TMEM132D: variants seen among roughly 807,000 people sequenced by gnomAD.
The protein encoded by TMEM132D is mature OL transmembrane protein.
In TMEM132D, 21 loss-of-function variants were observed where a neutral mutation model predicts 62.3. The ratio of observed to expected loss-of-function variants is 0.34; its 90% confidence interval spans 0.24 to 0.49. The LOEUF (loss-of-function observed/expected upper bound fraction) is 0.49, where lower values mean the gene tolerates loss of function less well. Among genes scored for constraint, TMEM132D ranks in the 20% least tolerant of loss-of-function variants. TMEM132D has a pLI of 0.99. For missense variants in TMEM132D, 1,346 were observed against 1,402.8 expected, an observed-to-expected ratio of 0.96 and a Z score of 0.65; for synonymous variants, 621 against 575.6, an observed-to-expected ratio of 1.08 and a Z score of -1.13.
intron 5 of TMEM132D, among the ~76,000 whole-genome samples, chr12:129,188,762 G>GGA (rs569138938): frequency 0.03 from 3,758 of 126,038 alleles, 20 homozygotes; most frequent in Middle Eastern, 0.049. Context: ...AGGGAGAGAG[G>GGA]GAGAGAGAGA....
chr12:129,689,338 GA>G (rs1239641750), intron 2 of TMEM132D, among the ~76,000 whole-genome samples: 1 of 152,124 alleles, frequency 6.6e-6, no homozygotes, highest in Non-Finnish European at 1.5e-5. Context: ...TTATAGCTGA[GA>G]AAAATGGGGC....
At chr12:129,879,589 G>T (rs1490542789) in intron 1 of TMEM132D, among the ~76,000 whole-genome samples, 1 of 152,130 alleles carries the variant, frequency 6.6e-6, no homozygotes, top group Non-Finnish European at 1.5e-5. Context: ...AGGAGACGAT[G>T]GTGGAAAAGG....
chr12:129,189,140 G>A (rs995692504), intron 5 of TMEM132D, among the ~76,000 whole-genome samples: 1 of 151,908 alleles, frequency 6.6e-6, no homozygotes, highest in Non-Finnish European at 1.5e-5. Context: ...GTCCCCATGA[G>A]AGAGGAGGAA....
intron 3 of TMEM132D, among the ~76,000 whole-genome samples, chr12:129,494,583 A>G (rs151325475): frequency 2.6e-5 from 4 of 152,154 alleles, no homozygotes; most frequent in African/African-American, 9.6e-5. Flanking sequence ...TATATAATAG[A>G]TTTTTCAGCT....
intron 5 of TMEM132D, among the ~76,000 whole-genome samples, chr12:129,151,519 G>A (rs141143692): frequency 6.6e-5 from 10 of 152,290 alleles, no homozygotes; most frequent in East Asian, 3.9e-4. Context: ...ATCGTCATGC[G>A]ACGCTCACCA....
chr12:129,833,509 C>T (rs753366336), intron 1 of TMEM132D, among the ~76,000 whole-genome samples: 1 of 152,124 alleles, frequency 6.6e-6, no homozygotes, highest in Non-Finnish European at 1.5e-5. Context: ...CCTGTAGTCC[C>T]AGCTACTTGG....
At chr12:129,501,058 C>A (rs938504950) in intron 3 of TMEM132D, among the ~76,000 whole-genome samples, 4 of 152,142 alleles carry the variant, frequency 2.6e-5, no homozygotes, top group Admixed American at 6.5e-5. Flanking sequence ...TCTACGATAC[C>A]ATACATAAAG....
intron 5 of TMEM132D, among the ~76,000 whole-genome samples, chr12:129,137,132 AC>A (rs1876600879): frequency 6.8e-6 from 1 of 147,286 alleles, no homozygotes; most frequent in Non-Finnish European, 1.5e-5. Context: ...CATCATCATC[AC>A]CATCACTATC....
At chr12:129,872,628 A>G (rs1874285539) in intron 1 of TMEM132D, among the ~76,000 whole-genome samples, 1 of 152,230 alleles carries the variant, frequency 6.6e-6, no homozygotes, top group African/African-American at 2.4e-5. Context: ...GTCTGTGTCT[A>G]TCTGAAAGCC....
rs912127348 is a variant in TMEM132D, at chr12:129,706,700, A to C, written c.80-6002T>G. Among the ~76,000 whole-genome samples the C allele has an allele frequency of 1.2e-4, 19 of 152,136 alleles. No individual in the cohort carries two copies. In the South Asian group the frequency reaches 2.1e-3, roughly 17 times the overall value. ...ACCTTCCCATAAACTAATCATATAT[A>C]AGGCTACAAGGAGACAATAATAATA... On this transcript the variant is annotated intron_variant, in intron 1 of 8. Coordinates refer to ENST00000422113, the MANE Select transcript of TMEM132D (RefSeq NM_133448.3).
chr12:129,598,449 A>C (rs61943509), intron 2 of TMEM132D, among the ~76,000 whole-genome samples: 9,288 of 152,246 alleles, frequency 0.061, 433 homozygotes, highest in South Asian at 0.18. Flanking sequence ...CATCCTCTGG[A>C]GCACGTTCCC....
In TMEM132D at chr12:129,074,362, C is replaced by T. The variant is rs2135602753; in HGVS notation, c.2813G>A (p.Cys938Tyr). The T allele has an allele frequency of 3.7e-6, 6 of 1,614,078 alleles. No homozygotes were observed. The South Asian group carries it at 5.5e-5, about 15-fold the overall frequency. The change falls in exon 9 of 9, where the codon TGT (cysteine) becomes TAT (tyrosine). Residue 938 changes from cysteine (C) to tyrosine (Y), a missense_variant. Physicochemically the swap from Cys to Tyr is radical, Grantham distance 194. Transcript: ENST00000422113. Reference protein sequence around the residue: ...CLAILVFLINCVTFALKYRHK... With the variant: ...CLAILVFLINYVTFALKYRHK... The stretch of plus-strand genomic sequence containing the variant: ...TCTGTATTTTAATGCAAAGGTCACA[C>T]AGTTTATCAAGAAGACCAAAATGGC...
At position 129,903,349 on chromosome 12, in the gene TMEM132D, C is replaced by G. The variant is rs1356956808; in HGVS notation, c.-10G>C. ...TCTCAGACGGGCACATCCTGGAGAC[C>G]CGGAGCGCAGATCCTCCGCTCCCCG... On this transcript the variant is annotated 5_prime_UTR_variant, in exon 1 of 9. Transcript: ENST00000422113. The surrounding 1 kb of genome is among the most constrained non-coding windows in gnomAD (Gnocchi z 6.2). 5 of 1,551,494 alleles carry G rather than the reference C, an allele frequency of 3.2e-6. No homozygotes were observed. Among genetic ancestry groups the G allele is most frequent in the Non-Finnish European group, 8.7e-7 (1 of 1,147,060 alleles).
Position 129,092,493 on chromosome 12 carries a change from G to A in TMEM132D, c.1444-7791C>T, listed in dbSNP as rs180728898. On this transcript the variant is annotated intron_variant, in intron 5 of 8. Coordinates refer to ENST00000422113, the MANE Select transcript of TMEM132D (RefSeq NM_133448.3). ...GTGGATCACCTGAGGTCAGGAGTTC[G>A]CGACCAGCCCGGCCAACATGGTGAA... Among the ~76,000 whole-genome samples, 833 of 152,006 alleles carry A rather than the reference G, an allele frequency of 5.5e-3. 5 individuals are homozygous for A. Among genetic ancestry groups the A allele is most frequent in the Middle Eastern group, 0.02 (6 of 294 alleles).
chr12:129,808,412 G>A (rs981440800), intron 1 of TMEM132D, among the ~76,000 whole-genome samples: 7 of 152,142 alleles, frequency 4.6e-5, no homozygotes, highest in Admixed American at 6.5e-5. Flanking sequence ...AAATAAAGAC[G>A]GGTACAGGGA....
At chr12:129,718,573 G>A (rs574738863) in intron 1 of TMEM132D, among the ~76,000 whole-genome samples, 1 of 152,318 alleles carries the variant, frequency 6.6e-6, no homozygotes, top group Admixed American at 6.5e-5. Flanking sequence ...TATGGAGAAA[G>A]TGGGGAGAAA....
rs138967382 is a variant in TMEM132D, at chr12:129,352,707, T to C, written c.1116-14890A>G. ...AGAGAAATGCAAATCAAAACCACAA[T>C]GAGATACCATCTCATGCCAGTCAGA... On this transcript the variant is annotated intron_variant, in intron 3 of 8. Transcript: ENST00000422113. Among the ~76,000 whole-genome samples, 589 of 152,242 alleles carry C rather than the reference T, an allele frequency of 3.9e-3. 6 individuals are homozygous for C. The highest frequency in any genetic ancestry group is 0.014 in the African/African-American group (562 of 41,564).
At chr12:129,764,407 A>G (rs1870484199) in intron 1 of TMEM132D, among the ~76,000 whole-genome samples, 1 of 152,218 alleles carries the variant, frequency 6.6e-6, no homozygotes, top group African/African-American at 2.4e-5. Context: ...GCACAACAGG[A>G]AAATAATTGT....
At chr12:129,902,005 CT>C (rs1207412242) in intron 1 of TMEM132D, among the ~76,000 whole-genome samples, 1 of 152,152 alleles carries the variant, frequency 6.6e-6, no homozygotes, top group Admixed American at 6.5e-5. Context: ...CCAGAAGGCT[CT>C]GATCCCAGGG....
Sources: gnomAD v4.1 joint callset for allele counts (sites outside exome capture counted in the v4.1 genomes callset) on GRCh38, gnomAD v4.1.1 for gene constraint, Gnocchi (gnomAD v3.1) non-coding constraint, MANE v1.5 for transcripts, NCBI Gene and HGNC (gene_info 2026-07-23, HGNC 2026-07-21) for gene names.